The following ACOXL variants were observed in gnomAD, a reference collection of about 807,000 sequenced individuals.
ACOXL encodes acyl-CoA oxidase like, also known as acyl-coenzyme A oxidase-like protein.
ACOXL carries 70 observed loss-of-function variants against 71.9 expected under a neutral mutation model. That is an observed-to-expected ratio of 0.97 (90% CI 0.80 to 1.19). ACOXL has a LOEUF of 1.19. ACOXL is among the 50% of genes most tolerant of loss of function. The probability of loss-of-function intolerance (pLI) is 0.00; values close to 1 mark genes in which losing one functional copy is unlikely to be tolerated. For missense variants in ACOXL, 703 were observed against 736.3 expected (o/e 0.95, Z 0.52); for synonymous variants, 253 against 281.6 (o/e 0.90, Z 1.02).
intron 10 of ACOXL, among the ~76,000 whole-genome samples, chr2:110,891,307 T>A (rs1001162263): frequency 6.6e-6 from 1 of 152,132 alleles, no homozygotes; most frequent in African/African-American, 2.4e-5. Flanking sequence ...TATAAGTATT[T>A]AAAAAGTCTA....
chr2:110,923,716 T>G (rs994836270), intron 11 of ACOXL, among the ~76,000 whole-genome samples: 3 of 152,064 alleles, frequency 2.0e-5, no homozygotes, highest in African/African-American at 7.2e-5. Context: ...AGCAGATCAC[T>G]TGAGGCCAGG....
At chr2:110,973,540 A>G (rs1031207518) in intron 12 of ACOXL, among the ~76,000 whole-genome samples, 8 of 152,144 alleles carry the variant, frequency 5.3e-5, no homozygotes, top group Admixed American at 5.2e-4. Flanking sequence ...ATCTACCACT[A>G]CTTTGATCTT....
intron 10 of ACOXL, among the ~76,000 whole-genome samples, chr2:110,862,690 G>T (rs181646150): frequency 6.6e-6 from 1 of 152,242 alleles, no homozygotes; most frequent in East Asian, 1.9e-4. Context: ...GCTAAATTCT[G>T]TGTGTGCCCC....
intron 9 of ACOXL, among the ~76,000 whole-genome samples, chr2:110,837,819 G>A (rs1690636594): frequency 6.6e-6 from 1 of 152,214 alleles, no homozygotes; most frequent in African/African-American, 2.4e-5. Context: ...AATGGAGTTT[G>A]TTTAGTGTGT....
intron 12 of ACOXL, among the ~76,000 whole-genome samples, chr2:110,959,481 C>G (rs1179159557): frequency 6.6e-6 from 1 of 152,174 alleles, no homozygotes; most frequent in South Asian, 2.1e-4. Flanking sequence ...ACTTCCTCCC[C>G]CTGAAAACAG....
In ACOXL at chr2:110,770,437, C is replaced by T. The variant is rs530196316; in HGVS notation, c.75+1973C>T. Among the ~76,000 whole-genome samples the T allele has an allele frequency of 2.6e-5, 4 of 152,336 alleles. No homozygotes were observed. The South Asian group carries it at 6.2e-4, about 24-fold the overall frequency. ...ACAGGCAGAGCCTTGGCACCACCTG[C>T]GCTGCGATACTGCAGGCACCTCCAC... On this transcript the variant is annotated intron_variant, in intron 2 of 17. Transcript: ENST00000439055.
At chr2:111,056,961 CATAA>C (rs2066572263) in intron 16 of ACOXL, among the ~76,000 whole-genome samples, 1 of 152,096 alleles carries the variant, frequency 6.6e-6, no homozygotes, top group Admixed American at 6.5e-5. Context: ...CACAAATATC[CATAA>C]AATGTGGCCC....
chr2:110,986,374 T>C (rs1367026442), intron 12 of ACOXL, among the ~76,000 whole-genome samples: 1 of 152,208 alleles, frequency 6.6e-6, no homozygotes, highest in Non-Finnish European at 1.5e-5. Flanking sequence ...GAGACAACAA[T>C]TTGTTAGCTC....
intron 16 of ACOXL, among the ~76,000 whole-genome samples, chr2:111,073,064 A>G (rs1408240179): frequency 6.6e-6 from 1 of 152,232 alleles, no homozygotes; most frequent in African/African-American, 2.4e-5. Context: ...CCCTTTAGTG[A>G]AACTGATAAA....
intron 1 of ACOXL, among the ~76,000 whole-genome samples, chr2:110,737,640 A>G (rs1376002744): frequency 1.3e-5 from 2 of 152,222 alleles, no homozygotes; most frequent in African/African-American, 4.8e-5. Flanking sequence ...GAACAGATAC[A>G]ACAGATTTAT....
chr2:110,743,294 G>T (rs1168940319), intron 1 of ACOXL, among the ~76,000 whole-genome samples: 2 of 152,152 alleles, frequency 1.3e-5, no homozygotes, highest in Non-Finnish European at 2.9e-5. Context: ...CATATATCAG[G>T]CAGATAATTT....
At chr2:111,064,165 A>G (rs772769156) in intron 16 of ACOXL, among the ~76,000 whole-genome samples, 1 of 152,194 alleles carries the variant, frequency 6.6e-6, no homozygotes, top group African/African-American at 2.4e-5. Flanking sequence ...GGCGGGGCAC[A>G]GTGGCTCACG....
chr2:111,034,883 A>C (rs1324589788), intron 15 of ACOXL, among the ~76,000 whole-genome samples: 1 of 151,922 alleles, frequency 6.6e-6, no homozygotes, highest in Admixed American at 6.6e-5. Context: ...GGAAGAATGC[A>C]TAGGAAGGAA....
intron 16 of ACOXL, among the ~76,000 whole-genome samples, chr2:111,054,507 C>G (rs1558918396): frequency 1.3e-5 from 2 of 152,202 alleles, no homozygotes; most frequent in Non-Finnish European, 2.9e-5. Context: ...CCTGCAGAGA[C>G]AGCTCCCCAG....
chr2:110,962,538 C>T (rs1390253656), intron 12 of ACOXL, among the ~76,000 whole-genome samples: 1 of 152,208 alleles, frequency 6.6e-6, no homozygotes, highest in East Asian at 1.9e-4. Context: ...CCGGGCCTTC[C>T]AGGGTGGTTC....
At chr2:110,906,309 G>A (rs748959525) in intron 10 of ACOXL, among the ~76,000 whole-genome samples, 5 of 151,880 alleles carry the variant, frequency 3.3e-5, no homozygotes, top group South Asian at 2.1e-4. Flanking sequence ...AGGCCGAGGC[G>A]GGTGGATCAC....
At chr2:110,883,069 GTC>G (rs2149103210) in intron 10 of ACOXL, among the ~76,000 whole-genome samples, 1 of 148,718 alleles carries the variant, frequency 6.7e-6, no homozygotes, top group East Asian at 2.0e-4. Flanking sequence ...CTCTGTGTGA[GTC>G]TCTGCAGAAG....
At chr2:110,868,206 A>C (rs1178242658) in intron 10 of ACOXL, among the ~76,000 whole-genome samples, 1 of 152,280 alleles carries the variant, frequency 6.6e-6, no homozygotes, top group Non-Finnish European at 1.5e-5. Context: ...AAGTATAAAT[A>C]AAGTGAGAAC....
chr2:110,775,262 T>C (rs1485357895), intron 2 of ACOXL, among the ~76,000 whole-genome samples: 1 of 152,212 alleles, frequency 6.6e-6, no homozygotes, highest in Non-Finnish European at 1.5e-5. Context: ...GATTTGACAA[T>C]GATTTCTTGG....
Sources: allele counts gnomAD v4.1 joint callset (sites outside exome capture counted in the v4.1 genomes callset), GRCh38; gene constraint gnomAD v4.1.1; transcripts MANE v1.5; gene names NCBI Gene and HGNC (gene_info 2026-07-23, HGNC 2026-07-21).